The following CLVS1 variants were observed in gnomAD, a reference collection of about 807,000 sequenced individuals.
The protein encoded by CLVS1 is clavesin 1.
A neutral mutation model predicts 33.1 loss-of-function variants in CLVS1; 10 were observed. The observed-to-expected ratio is 0.30, with a 90% confidence interval of 0.19 to 0.51. The LOEUF is 0.51. Ranked by LOEUF, CLVS1 falls within the 20% of genes least tolerant of loss-of-function variation. CLVS1 has a pLI of 0.97. For missense variants in CLVS1, 343 were observed against 433.4 expected (o/e 0.79, Z 1.85); for synonymous variants, 163 against 166.1 (o/e 0.98, Z 0.14).
At chr8:61,239,520 C>T (rs1333349320) in intron 2 of CLVS1, among the ~76,000 whole-genome samples, 1 of 151,994 alleles carries the variant, frequency 6.6e-6, no homozygotes, top group Non-Finnish European at 1.5e-5. Context: ...ATTTCTTGAG[C>T]CCAAGAATTC....
chr8:61,208,541 C>T (rs890461632), intron 2 of CLVS1, among the ~76,000 whole-genome samples: 2 of 152,112 alleles, frequency 1.3e-5, no homozygotes, highest in Non-Finnish European at 2.9e-5. Context: ...ATTATCAGAA[C>T]ATATCTGCTG....
chr8:61,343,135 C>G (rs1296277509), intron 2 of CLVS1, among the ~76,000 whole-genome samples: 1 of 152,184 alleles, frequency 6.6e-6, no homozygotes, highest in African/African-American at 2.4e-5. Context: ...TTAGCATTAG[C>G]TGGTACAGCA....
At chr8:61,119,778 C>T (rs1322240758) in intron 1 of CLVS1, among the ~76,000 whole-genome samples, 2 of 107,400 alleles carry the variant, frequency 1.9e-5, no homozygotes, top group African/African-American at 4.6e-5. Context: ...GAGGGTAACC[C>T]GACCTTTCTC....
chr8:61,195,299 GGA>G (rs138426810), intron 2 of CLVS1, among the ~76,000 whole-genome samples: 5 of 150,536 alleles, frequency 3.3e-5, no homozygotes, highest in East Asian at 1.9e-4. Flanking sequence ...AGAGATTGGG[GGA>G]GAGAGAGAGA....
intron 5 of CLVS1, among the ~76,000 whole-genome samples, chr8:61,483,558 T>C (rs1308959014): frequency 6.6e-6 from 1 of 152,148 alleles, no homozygotes; most frequent in Admixed American, 6.5e-5. Flanking sequence ...TTCCAATCAA[T>C]AGAAACAGAG....
At chr8:61,235,216 C>T (rs938425665) in intron 2 of CLVS1, among the ~76,000 whole-genome samples, 3 of 152,144 alleles carry the variant, frequency 2.0e-5, no homozygotes, top group African/African-American at 7.2e-5. Flanking sequence ...GTGAGCAGAA[C>T]ACAAAACTGT....
chr8:61,215,527 C>CTTT (rs10653767), intron 2 of CLVS1, among the ~76,000 whole-genome samples: 2 of 151,668 alleles, frequency 1.3e-5, no homozygotes, highest in African/African-American at 4.8e-5. Flanking sequence ...TAACGGATGT[C>CTTT]TTTTTTTTAC....
chr8:61,223,434 TG>T (rs1808264453), intron 2 of CLVS1, among the ~76,000 whole-genome samples: 1 of 152,230 alleles, frequency 6.6e-6, no homozygotes, highest in East Asian at 1.9e-4. Flanking sequence ...CCTTCACTTA[TG>T]AAGCCTAGTT....
chr8:61,467,656 A>G (rs1817595843), intron 5 of CLVS1, among the ~76,000 whole-genome samples: 1 of 152,188 alleles, frequency 6.6e-6, no homozygotes, highest in Admixed American at 6.5e-5. Flanking sequence ...ACCATACAGG[A>G]ATGGCAGGTA....
chr8:60,980,747 C>T, the CLVS1 span, among the ~76,000 whole-genome samples: 2 of 152,180 alleles, frequency 1.3e-5, no homozygotes, highest in South Asian at 2.1e-4. Context: ...GATTGCACCA[C>T]TGCACTCCAG....
the CLVS1 span, among the ~76,000 whole-genome samples, chr8:61,051,437 G>T: frequency 2.6e-5 from 4 of 152,240 alleles, no homozygotes; most frequent in Non-Finnish European, 1.5e-5. Flanking sequence ...GAGCCTGGCT[G>T]TACCTGGGGG....
At chr8:61,202,893 T>TGAC in intron 2 of CLVS1, 4 of 1,020,506 alleles carry the variant, frequency 3.9e-6, no homozygotes, top group Non-Finnish European at 4.6e-6. Flanking sequence ...ATGATTTTAA[T>TGAC]GAGGAAGCTG....
intron 2 of CLVS1, among the ~76,000 whole-genome samples, chr8:61,251,978 T>C (rs1808959421): frequency 6.6e-6 from 1 of 152,224 alleles, no homozygotes; most frequent in African/African-American, 2.4e-5. Context: ...TTGTTTGCTG[T>C]TGCTTCTCTA....
intron 3 of CLVS1, among the ~76,000 whole-genome samples, chr8:61,414,420 A>C (rs1457904106): frequency 2.8e-5 from 4 of 143,450 alleles, no homozygotes; most frequent in Admixed American, 6.9e-5. Context: ...TTTTTTTTTC[A>C]TATTTTTCCA....
At chr8:61,242,032 T>G (rs1808707234) in intron 2 of CLVS1, among the ~76,000 whole-genome samples, 1 of 122,726 alleles carries the variant, frequency 8.1e-6, no homozygotes, top group Non-Finnish European at 1.6e-5. Context: ...GTTATTTCCC[T>G]GTATGTAATA....
At chr8:61,370,823 A>C (rs1014708230) in intron 2 of CLVS1, among the ~76,000 whole-genome samples, 30 of 152,216 alleles carry the variant, frequency 2.0e-4, no homozygotes, top group Non-Finnish European at 4.1e-4. Flanking sequence ...GGTTGCTGTG[A>C]ATGCCATTAT....
upstream of CLVS1, among the ~76,000 whole-genome samples, chr8:61,054,800 C>T (rs1222629469): frequency 1.3e-5 from 2 of 152,148 alleles, no homozygotes; most frequent in African/African-American, 4.8e-5. Flanking sequence ...GGGAAGAGCT[C>T]TGAGCTTCTC....
chr8:61,067,402 T>C (rs1027243249), intron 1 of CLVS1, among the ~76,000 whole-genome samples: 17 of 149,190 alleles, frequency 1.1e-4, no homozygotes. Flanking sequence ...TATTATATAA[T>C]TATATATGTG....
At chr8:61,119,911 T>C (rs1427507800) in intron 1 of CLVS1, among the ~76,000 whole-genome samples, 4 of 137,158 alleles carry the variant, frequency 2.9e-5, no homozygotes, top group Non-Finnish European at 4.7e-5. Context: ...TGAATTTGAA[T>C]GTTGGCCTGC....
Sources: allele counts gnomAD v4.1 joint callset (sites outside exome capture counted in the v4.1 genomes callset), GRCh38; gene constraint gnomAD v4.1.1; transcripts MANE v1.5; gene names NCBI Gene and HGNC (gene_info 2026-07-23, HGNC 2026-07-21).